The following ADGRL3 variants were observed in gnomAD, a reference collection of about 807,000 sequenced individuals.
The protein encoded by ADGRL3 is calcium-independent alpha-latrotoxin receptor 3.
Under a neutral mutation model 153.5 loss-of-function variants are expected in ADGRL3, and 62 were observed. The ratio of observed to expected loss-of-function variants is 0.40; its 90% CI spans 0.33 to 0.50. The LOEUF is 0.50. ADGRL3 is among the 20% of genes least tolerant of loss of function. ADGRL3 has a pLI of 0.47. For synonymous variants in ADGRL3, 710 were observed against 672.5 expected, an observed-to-expected ratio of 1.06 and a Z score of -0.86; for missense variants, 1,641 against 1,859.4, an observed-to-expected ratio of 0.88 and a Z score of 2.16.
chr4:61,780,513 A>G (rs17239136), intron 8 of ADGRL3, among the ~76,000 whole-genome samples: 10,999 of 152,284 alleles, frequency 0.072, 532 homozygotes, highest in Non-Finnish European at 0.11. Context: ...TTGGATTTCC[A>G]TATTTTAACT....
chr4:62,063,888 T>G (rs1238044206), intron 25 of ADGRL3, among the ~76,000 whole-genome samples: 1 of 152,106 alleles, frequency 6.6e-6, no homozygotes, highest in Non-Finnish European at 1.5e-5. Context: ...CGTTATAAAA[T>G]GTATTGTGGT....
intron 9 of ADGRL3, among the ~76,000 whole-genome samples, chr4:61,816,519 G>T (rs1005375455): frequency 1.3e-5 from 2 of 152,206 alleles, no homozygotes; most frequent in Admixed American, 6.5e-5. Context: ...CCTTGATTGA[G>T]GAGCCACACT....
At chr4:61,652,780 A>C (rs2094307289) in intron 5 of ADGRL3, among the ~76,000 whole-genome samples, 1 of 152,210 alleles carries the variant, frequency 6.6e-6, no homozygotes, top group Non-Finnish European at 1.5e-5. Flanking sequence ...AACAGGTTTC[A>C]TAAAACTGCT....
chr4:61,370,595 T>G (rs1003035395), intron 1 of ADGRL3, among the ~76,000 whole-genome samples: 3 of 152,048 alleles, frequency 2.0e-5, no homozygotes, highest in Non-Finnish European at 4.4e-5. Flanking sequence ...GTCTGAGAGA[T>G]AGTTTGTTAT....
chr4:61,410,430 G>T (rs1464770259), intron 2 of ADGRL3, among the ~76,000 whole-genome samples: 1 of 151,792 alleles, frequency 6.6e-6, no homozygotes, highest in East Asian at 1.9e-4. Context: ...AGTGTTTAGT[G>T]CATATTTTCT....
At chr4:61,233,853 G>A (rs1301775828) in intron 1 of ADGRL3, among the ~76,000 whole-genome samples, 3 of 152,008 alleles carry the variant, frequency 2.0e-5, no homozygotes, top group Non-Finnish European at 4.4e-5. Flanking sequence ...GGATGTATAA[G>A]GTTCTAAGGA....
At chr4:62,026,774 C>T (rs1465728421) in intron 21 of ADGRL3, among the ~76,000 whole-genome samples, 2 of 151,854 alleles carry the variant, frequency 1.3e-5, no homozygotes, top group Non-Finnish European at 2.9e-5. Flanking sequence ...GTATGGGATT[C>T]ACTCTAAATG....
At chr4:61,921,519 A>AGC (rs2098769186) in intron 13 of ADGRL3, among the ~76,000 whole-genome samples, 2 of 152,118 alleles carry the variant, frequency 1.3e-5, no homozygotes, top group Admixed American at 6.5e-5. Context: ...CCCGGGTTCA[A>AGC]GCGCTTCTCT....
intron 3 of ADGRL3, among the ~76,000 whole-genome samples, chr4:61,507,629 G>T (rs540092705): frequency 1.5e-4 from 23 of 151,712 alleles, no homozygotes; most frequent in East Asian, 5.8e-4. Flanking sequence ...CACAGGTTGT[G>T]GGGGGGGACT....
chr4:61,783,714 G>A (rs1005111987), intron 8 of ADGRL3, among the ~76,000 whole-genome samples: 1 of 152,008 alleles, frequency 6.6e-6, no homozygotes, highest in African/African-American at 2.4e-5. Flanking sequence ...CAAACTTGAA[G>A]AGTCAAGTTA....
chr4:61,631,274 G>T lies in ADGRL3; in HGVS notation c.473+43834G>T, dbSNP rs934959156. On this transcript the variant is annotated intron_variant, in intron 5 of 26. Transcript: ENST00000683033. ...TAGTCATAACCAGTGATGTATTAAT[G>T]AATGTTCTGGAAAAAAATAATAAAA... Among the ~76,000 whole-genome samples the T allele has an allele frequency of 5.3e-5, 8 of 152,218 alleles. No homozygotes were observed. The South Asian group carries it at 1.7e-3, about 32-fold the overall frequency.
intron 9 of ADGRL3, among the ~76,000 whole-genome samples, chr4:61,823,214 T>C (rs1046963609): frequency 1.3e-5 from 2 of 152,212 alleles, no homozygotes; most frequent in Non-Finnish European, 2.9e-5. Context: ...TCTTACTTTG[T>C]TTTTAGTCTC....
chr4:61,428,403 G>A (rs536827116), intron 2 of ADGRL3, among the ~76,000 whole-genome samples: 2 of 152,240 alleles, frequency 1.3e-5, no homozygotes, highest in African/African-American at 4.8e-5. Context: ...GCCTACTCTT[G>A]ACTGCTGCAC....
At chr4:61,400,169 T>C (rs1448499619) in intron 2 of ADGRL3, among the ~76,000 whole-genome samples, 4 of 151,772 alleles carry the variant, frequency 2.6e-5, no homozygotes, top group African/African-American at 9.7e-5. Flanking sequence ...ATTTTGCCTA[T>C]GTTATTTGCA....
At chr4:61,672,275 T>C (rs1309661830) in intron 5 of ADGRL3, among the ~76,000 whole-genome samples, 1 of 152,270 alleles carries the variant, frequency 6.6e-6, no homozygotes, top group African/African-American at 2.4e-5. Flanking sequence ...CATGTAGATA[T>C]CCAGTTTCCC....
chr4:61,762,928 C>A (rs1188253484), intron 8 of ADGRL3, among the ~76,000 whole-genome samples: 2 of 152,040 alleles, frequency 1.3e-5, no homozygotes. Flanking sequence ...TTCCTACAAA[C>A]CCTCTACATG....
chr4:61,774,118 G>T (rs2097117839), intron 8 of ADGRL3, among the ~76,000 whole-genome samples: 1 of 151,996 alleles, frequency 6.6e-6, no homozygotes, highest in Non-Finnish European at 1.5e-5. Context: ...GCACTTTGGG[G>T]CTGAGGCAGG....
Position 61,813,861 on chromosome 4 carries a change from C to G in ADGRL3, c.1452C>G (p.Asp484Glu), listed in dbSNP as rs2097658338. ...VSYISPPIHL[D>E]SELERPSVKD... is the part of the protein sequence containing the mutation. ...ACATTTCTCCGCCAATTCACCTTGA[C>G]TCTGAGCTAGAAAGACCCTCTGTTA... The change falls in exon 9 of 27, where the codon GAC becomes GAG. Residue 484 changes from aspartate (D) to glutamate (E), a missense_variant. Physicochemically the swap from Asp to Glu is conservative, Grantham distance 45 (BLOSUM62 2). Around this residue, in one of 5 missense-constraint regions of ADGRL3, gnomAD observed 734 missense variants for 797.0 expected, o/e 0.92. Coordinates refer to ENST00000683033, the MANE Select transcript of ADGRL3 (RefSeq NM_001387552.1). 3 of 1,577,478 alleles carry G rather than the reference C, an allele frequency of 1.9e-6. No individual in the cohort carries two copies. In the East Asian group the frequency reaches 6.7e-5, roughly 35 times the overall value.
chr4:61,550,368 A>T (rs2098734622), intron 4 of ADGRL3, among the ~76,000 whole-genome samples: 1 of 152,082 alleles, frequency 6.6e-6, no homozygotes, highest in Non-Finnish European at 1.5e-5. Context: ...CAAAGTTGGT[A>T]TGATAAATTA....
Sources: allele counts gnomAD v4.1 joint callset (sites outside exome capture counted in the v4.1 genomes callset), GRCh38; gene constraint gnomAD v4.1.1; regional missense constraint gnomAD v4.1.1; transcripts MANE v1.5; gene names NCBI Gene and HGNC (gene_info 2026-07-23, HGNC 2026-07-21).